Variants in NUBPL observed in about 807,000 individuals in gnomAD.
NUBPL encodes the protein NUBP iron-sulfur cluster assembly factor, mitochondrial.
In NUBPL, 31 loss-of-function variants were observed where a neutral mutation model predicts 45.7. The observed-to-expected ratio is 0.68, with a 90% CI of 0.51 to 0.92. The LOEUF (loss-of-function observed/expected upper bound fraction) is 0.92, where lower values mean the gene tolerates loss of function less well. Among genes scored for constraint, NUBPL ranks in the 40% least tolerant of loss-of-function variants. NUBPL has a pLI of 0.00. For missense variants in NUBPL, 401 were observed against 398.7 expected (o/e 1.01, Z -0.05); for synonymous variants, 144 against 140.9 (o/e 1.02, Z -0.15).
chr14:31,579,273 C>T (rs1387268925), intron 3 of NUBPL, among the ~76,000 whole-genome samples: 2 of 152,180 alleles, frequency 1.3e-5, no homozygotes, highest in African/African-American at 4.8e-5. Flanking sequence ...TAATCCTGTT[C>T]TCCACATACG....
intron 4 of NUBPL, among the ~76,000 whole-genome samples, chr14:31,613,590 C>T (rs887846333): frequency 2.0e-5 from 3 of 151,682 alleles, no homozygotes; most frequent in East Asian, 1.9e-4. Flanking sequence ...CCTAAGTAGC[C>T]GGGATTATAG....
chr14:31,627,516 C>A (rs528935143), intron 4 of NUBPL, among the ~76,000 whole-genome samples: 138 of 152,036 alleles, frequency 9.1e-4, no homozygotes, highest in African/African-American at 3.2e-3. Flanking sequence ...CGGTGGCTCA[C>A]GCCTGTAATC....
At chr14:31,744,927 T>C (rs559225734) in intron 6 of NUBPL, among the ~76,000 whole-genome samples, 2 of 151,700 alleles carry the variant, frequency 1.3e-5, no homozygotes, top group African/African-American at 4.8e-5. Flanking sequence ...GCCAAGATCT[T>C]GTAGAATCTT....
intron 6 of NUBPL, among the ~76,000 whole-genome samples, chr14:31,709,138 G>T (rs957196959): frequency 6.6e-6 from 1 of 152,106 alleles, no homozygotes; most frequent in Non-Finnish European, 1.5e-5. Context: ...TTTGTTTAGG[G>T]CCCAGGGCTT....
At chr14:31,817,265 G>C (rs2039936904) in intron 7 of NUBPL, among the ~76,000 whole-genome samples, 1 of 152,140 alleles carries the variant, frequency 6.6e-6, no homozygotes, top group Non-Finnish European at 1.5e-5. Context: ...TATTATCCAG[G>C]AGAATTTTCC....
At chr14:31,735,731 A>T (rs61997409) in intron 6 of NUBPL, among the ~76,000 whole-genome samples, 4 of 152,170 alleles carry the variant, frequency 2.6e-5, no homozygotes, top group Non-Finnish European at 4.4e-5. Flanking sequence ...GCATGCCTGT[A>T]ATCCCAGCTA....
intron 6 of NUBPL, among the ~76,000 whole-genome samples, chr14:31,741,657 C>G (rs1334720299): frequency 6.6e-6 from 1 of 152,104 alleles, no homozygotes; most frequent in East Asian, 1.9e-4. Flanking sequence ...CTGAGTCCTC[C>G]TAGAGTTTTT....
intron 6 of NUBPL, among the ~76,000 whole-genome samples, chr14:31,755,417 G>A (rs2038636765): frequency 6.6e-6 from 1 of 152,328 alleles, no homozygotes; most frequent in Admixed American, 6.5e-5. Flanking sequence ...GTATCTCATT[G>A]TGGTTTTGAT....
intron 6 of NUBPL, among the ~76,000 whole-genome samples, chr14:31,696,330 C>T (rs1291952920): frequency 1.3e-5 from 2 of 152,186 alleles, no homozygotes; most frequent in Non-Finnish European, 2.9e-5. Flanking sequence ...CTTCTTTAGG[C>T]TTTAGGTCTT....
At chr14:31,804,990 A>T (rs1342743897) in intron 7 of NUBPL, among the ~76,000 whole-genome samples, 1 of 152,204 alleles carries the variant, frequency 6.6e-6, no homozygotes, top group Non-Finnish European at 1.5e-5. Context: ...TCAACAGAGT[A>T]AACAGACAGC....
intron 4 of NUBPL, among the ~76,000 whole-genome samples, chr14:31,671,975 C>G (rs2036580782): frequency 6.6e-6 from 1 of 152,016 alleles, no homozygotes; most frequent in Non-Finnish European, 1.5e-5. Flanking sequence ...CAATACTTGT[C>G]CAAATCATAT....
At chr14:31,690,243 T>A in intron 6 of NUBPL, among the ~76,000 whole-genome samples, 1 of 152,198 alleles carries the variant, frequency 6.6e-6, no homozygotes, top group East Asian at 1.9e-4. Flanking sequence ...GCTGCTAACC[T>A]CTGAGCCTCA....
intron 6 of NUBPL, among the ~76,000 whole-genome samples, chr14:31,711,999 A>C (rs1354394480): frequency 2.0e-5 from 3 of 152,294 alleles, no homozygotes; most frequent in African/African-American, 7.2e-5. Flanking sequence ...AAGGTGGTGC[A>C]GACCCAAAGA....
At chr14:31,821,579 G>T (rs992254169) in intron 7 of NUBPL, among the ~76,000 whole-genome samples, 1 of 152,236 alleles carries the variant, frequency 6.6e-6, no homozygotes, top group Admixed American at 6.5e-5. Context: ...CCTTGTCACT[G>T]TTGGTAGGAA....
At chr14:31,705,352 G>A (rs1022296303) in intron 6 of NUBPL, among the ~76,000 whole-genome samples, 14 of 152,250 alleles carry the variant, frequency 9.2e-5, no homozygotes, top group African/African-American at 3.4e-4. Flanking sequence ...GGGGAACCGA[G>A]CGGGTCGCCG....
At chr14:31,699,717 T>C (rs1358404277) in intron 6 of NUBPL, among the ~76,000 whole-genome samples, 1 of 152,242 alleles carries the variant, frequency 6.6e-6, no homozygotes, top group Non-Finnish European at 1.5e-5. Context: ...TTATACGTTG[T>C]ATTTTATAAG....
At chr14:31,639,152 G>A (rs1463232096) in intron 4 of NUBPL, among the ~76,000 whole-genome samples, 1 of 152,194 alleles carries the variant, frequency 6.6e-6, no homozygotes, top group East Asian at 1.9e-4. Context: ...TTTGGAGGAG[G>A]AGAGGTGCTC....
At chr14:31,805,235 T>C (rs1403234746) in intron 7 of NUBPL, among the ~76,000 whole-genome samples, 3 of 152,210 alleles carry the variant, frequency 2.0e-5, no homozygotes, top group Non-Finnish European at 4.4e-5. Flanking sequence ...CCAGTCAGAA[T>C]GGCTGTTATT....
intron 6 of NUBPL, among the ~76,000 whole-genome samples, chr14:31,675,316 T>C (rs1444990155): frequency 6.6e-6 from 1 of 152,202 alleles, no homozygotes; most frequent in Non-Finnish European, 1.5e-5. Context: ...CACTTTCATG[T>C]GTGCATTTTA....
Sources: allele counts gnomAD v4.1 joint callset (sites outside exome capture counted in the v4.1 genomes callset), GRCh38; gene constraint gnomAD v4.1.1; transcripts MANE v1.5; gene names NCBI Gene and HGNC (gene_info 2026-07-23, HGNC 2026-07-21).